CNTLN: variants seen among roughly 807,000 people sequenced by gnomAD.
CNTLN encodes the protein centlein.
CNTLN carries 212 observed loss-of-function variants against 180.0 expected under a neutral mutation model. That is an observed-to-expected ratio of 1.18 (90% CI 1.05 to 1.32). CNTLN has a LOEUF of 1.32. CNTLN is among the 40% of genes most tolerant of loss of function. The pLI, the probability that CNTLN is intolerant of heterozygous loss-of-function variation, is 0.00. For missense variants in CNTLN, 2,095 were observed against 1,610.9 expected (o/e 1.30, Z -5.14); for synonymous variants, 722 against 563.1 (o/e 1.28, Z -3.99).
Position 17,394,924 on chromosome 9 carries a change from A to G in CNTLN, c.2470A>G (p.Thr824Ala), listed in dbSNP as rs1826396668. The change falls in exon 15 of 26, where the codon ACT becomes GCT. Residue 824 changes from threonine (T) to alanine (A), a missense_variant. Coordinates refer to ENST00000380647, the MANE Select transcript of CNTLN (RefSeq NM_017738.4). Reference sequence around the variant, plus strand: ...ATCTGGACGATATGATTGTAAGACAACTATGACCAAGGTTAAATTTAAAGC... The same window carrying G: ...ATCTGGACGATATGATTGTAAGACAGCTATGACCAAGGTTAAATTTAAAGC... ...VRSGRYDCKT[T>A]MTKVKFKAAK... The G allele has an allele frequency of 1.2e-6, 2 of 1,614,082 alleles. No homozygotes were observed. Among genetic ancestry groups the G allele is most frequent in the South Asian group, 1.1e-5 (1 of 91,076 alleles).
intron 23 of CNTLN, among the ~76,000 whole-genome samples, chr9:17,478,697 T>A (rs1832485143): frequency 6.6e-6 from 1 of 152,104 alleles, no homozygotes; most frequent in African/African-American, 2.4e-5. Flanking sequence ...CTAATTTCAA[T>A]TTTTTTGCCT....
intron 2 of CNTLN, among the ~76,000 whole-genome samples, chr9:17,146,186 T>G (rs1818447639): frequency 6.6e-6 from 1 of 152,220 alleles, no homozygotes; most frequent in South Asian, 2.1e-4. Context: ...AGATTTTCTT[T>G]TCATTGATAA....
At chr9:17,193,207 C>G (rs376682827) in intron 2 of CNTLN, among the ~76,000 whole-genome samples, 235 of 152,206 alleles carry the variant, frequency 1.5e-3, no homozygotes, top group African/African-American at 5.3e-3. Flanking sequence ...CACCCCGGCC[C>G]CTCCGCATGT....
chr9:17,267,356 G>T (rs1827551178), intron 5 of CNTLN, among the ~76,000 whole-genome samples: 1 of 152,112 alleles, frequency 6.6e-6, no homozygotes, highest in Admixed American at 6.5e-5. Flanking sequence ...TAAGAATGTT[G>T]AATATAGGCC....
At chr9:17,457,038 A>G (rs1415067725) in intron 18 of CNTLN, among the ~76,000 whole-genome samples, 1 of 152,194 alleles carries the variant, frequency 6.6e-6, no homozygotes, top group East Asian at 1.9e-4. Flanking sequence ...AATCTCTAAC[A>G]AGCCTCGTCT....
the CNTLN span, among the ~76,000 whole-genome samples, chr9:17,512,465 C>G: frequency 0.015 from 2,306 of 152,086 alleles, 24 homozygotes; most frequent in Non-Finnish European, 0.023. Context: ...GGAAGCTAAA[C>G]AATGGTCCAC....
intron 6 of CNTLN, among the ~76,000 whole-genome samples, chr9:17,274,497 C>G (rs75042257): frequency 0.031 from 4,473 of 143,424 alleles, 82 homozygotes; most frequent in South Asian, 0.078. Flanking sequence ...ATCTATCTAT[C>G]TATCTATGTA....
intron 18 of CNTLN, among the ~76,000 whole-genome samples, chr9:17,456,870 T>C (rs536864418): frequency 5.3e-5 from 8 of 152,264 alleles, no homozygotes; most frequent in African/African-American, 1.9e-4. Context: ...ATAAAAACAT[T>C]ACTATTATGT....
At chr9:17,270,197 G>T (rs1478888683) in intron 5 of CNTLN, among the ~76,000 whole-genome samples, 2 of 151,668 alleles carry the variant, frequency 1.3e-5, no homozygotes, top group Admixed American at 1.3e-4. Flanking sequence ...AAACCAGTTT[G>T]TTCTTGATTT....
chr9:17,408,860 A>C (rs924307538), intron 15 of CNTLN, among the ~76,000 whole-genome samples: 1 of 151,598 alleles, frequency 6.6e-6, no homozygotes, highest in Admixed American at 6.6e-5. Flanking sequence ...TTATTCAGTG[A>C]TAAATAGCCA....
chr9:17,226,184 C>T lies in CNTLN; in HGVS notation c.450-19C>T, dbSNP rs202215406. On this transcript the variant is annotated intron_variant, in intron 2 of 25. Coordinates refer to ENST00000380647, the MANE Select transcript of CNTLN (RefSeq NM_017738.4). ...AGCTACCAGTTATGACTAATAAACT[C>T]TCTATATTTTATATCTAGAGAAAAA... is the stretch of plus-strand genomic sequence containing the variant. 45 of 1,349,016 alleles carry T rather than the reference C, an allele frequency of 3.3e-5. No homozygotes were observed. Among genetic ancestry groups the T allele is most frequent in the African/African-American group, 1.5e-5 (1 of 67,172 alleles). 83.6% of individuals were successfully genotyped at this position (1,349,016 alleles called of 1,614,324 possible).
chr9:17,456,829 A>G (rs1373828470), intron 18 of CNTLN, among the ~76,000 whole-genome samples: 1 of 152,158 alleles, frequency 6.6e-6, no homozygotes, highest in African/African-American at 2.4e-5. Context: ...AGAAAGGCTA[A>G]CGTTAAGATG....
chr9:17,435,421 A>C (rs115365329), intron 18 of CNTLN, among the ~76,000 whole-genome samples: 3,019 of 152,304 alleles, frequency 0.02, 105 homozygotes, highest in African/African-American at 0.069. Context: ...GTACCTTTTA[A>C]ACTTTTATTT....
intron 6 of CNTLN, among the ~76,000 whole-genome samples, chr9:17,293,249 A>T (rs1329080501): frequency 6.6e-6 from 1 of 152,216 alleles, no homozygotes; most frequent in African/African-American, 2.4e-5. Context: ...CCCAGTCTGG[A>T]GGCAGGGGTT....
At chr9:17,229,389 G>A (rs1030891014) in intron 3 of CNTLN, among the ~76,000 whole-genome samples, 1 of 152,078 alleles carries the variant, frequency 6.6e-6, no homozygotes, top group Non-Finnish European at 1.5e-5. Context: ...ATGAAGAAAT[G>A]TGACATTATG....
chr9:17,262,673 C>T (rs970651364), intron 5 of CNTLN, among the ~76,000 whole-genome samples: 2 of 151,300 alleles, frequency 1.3e-5, no homozygotes, highest in African/African-American at 4.9e-5. Flanking sequence ...CAGCAAACAT[C>T]ATGGCACATG....
chr9:17,451,427 C>A (rs558356236), intron 18 of CNTLN, among the ~76,000 whole-genome samples: 1 of 152,094 alleles, frequency 6.6e-6, no homozygotes, highest in Non-Finnish European at 1.5e-5. Flanking sequence ...TTAAGTCAGT[C>A]CTAAGCAGAA....
Position 17,179,055 on chromosome 9 carries a change from T to C in CNTLN, c.449+35679T>C, listed in dbSNP as rs1307394306. ...GTCAGGAGATCGAGACCATCCCGGC[T>C]AAAACGGTGAAACCCCGTCTCTACT... On this transcript the variant is annotated intron_variant, in intron 2 of 25. Transcript: ENST00000380647. Among the ~76,000 whole-genome samples, 20 of 146,636 alleles carry C rather than the reference T, an allele frequency of 1.4e-4. 1 individual carries two copies. The highest frequency in any genetic ancestry group is 2.5e-4 in the Non-Finnish European group (17 of 67,022).
intron 16 of CNTLN, among the ~76,000 whole-genome samples, chr9:17,412,647 G>A (rs1242169678): frequency 2.0e-5 from 3 of 152,118 alleles, no homozygotes; most frequent in African/African-American, 7.2e-5. Flanking sequence ...CCCAGCTGTA[G>A]GCTAATGTAA....
Sources: allele counts gnomAD v4.1 joint callset (sites outside exome capture counted in the v4.1 genomes callset), GRCh38; gene constraint gnomAD v4.1.1; transcripts MANE v1.5; gene names NCBI Gene and HGNC (gene_info 2026-07-23, HGNC 2026-07-21).